The following RAB2A variants were observed in gnomAD, a reference collection of about 807,000 sequenced individuals.
The protein encoded by RAB2A is ras-related protein Rab-2A.
RAB2A carries 7 observed loss-of-function variants against 32.5 expected under a neutral mutation model. That is an observed-to-expected ratio of 0.22 (90% confidence interval 0.12 to 0.40). RAB2A has a LOEUF of 0.40. Ranked by LOEUF, RAB2A falls within the 10% of genes least tolerant of loss-of-function variation. The pLI is 1.00. For missense variants in RAB2A, 108 were observed against 260.7 expected (o/e 0.41, Z 4.03); for synonymous variants, 79 against 85.2 (o/e 0.93, Z 0.40).
chr8:60,603,142 C>T (rs1804164040), intron 6 of RAB2A, among the ~76,000 whole-genome samples: 4 of 152,272 alleles, frequency 2.6e-5, no homozygotes, highest in Middle Eastern at 6.8e-3. Flanking sequence ...CCAGCTGATC[C>T]TTGGCACCTA....
chr8:60,598,690 G>A (rs982649982), intron 6 of RAB2A, among the ~76,000 whole-genome samples: 3 of 151,786 alleles, frequency 2.0e-5, no homozygotes, highest in Non-Finnish European at 2.9e-5. Context: ...AGTTGATGCA[G>A]AAAAACCATT....
intron 1 of RAB2A, among the ~76,000 whole-genome samples, chr8:60,556,278 T>A (rs1807937111): frequency 6.6e-6 from 1 of 152,124 alleles, no homozygotes; most frequent in African/African-American, 2.4e-5. Context: ...CAGGAATAAG[T>A]TCTCCTGTTC....
At chr8:60,531,253 C>T (rs1647604813) in intron 1 of RAB2A, among the ~76,000 whole-genome samples, 1 of 152,150 alleles carries the variant, frequency 6.6e-6, no homozygotes, top group Non-Finnish European at 1.5e-5. Context: ...ATGTAGTCCT[C>T]GCTGGTTATT....
rs5891769 is a variant in RAB2A, at chr8:60,571,027, TG to T, written c.119-1018del. 4.0e-3 allele frequency among the ~76,000 whole-genome samples: 608 copies of T among 152,302 alleles called. 7 individuals are homozygous for T. Among genetic ancestry groups the T allele is most frequent in the African/African-American group, 0.014 (587 of 41,556 alleles). On this transcript the variant is annotated intron_variant, in intron 2 of 7. Coordinates refer to ENST00000262646, the MANE Select transcript of RAB2A (RefSeq NM_002865.3). ...GAACATACTCTAGGCAGTAATGACT[TG>T]ATATAAGAGATATACTACTTTCAGA...
At chr8:60,547,824 CG>C (rs1247902311) in intron 1 of RAB2A, among the ~76,000 whole-genome samples, 1 of 111,264 alleles carries the variant, frequency 9.0e-6, no homozygotes, top group Non-Finnish European at 1.8e-5. Context: ...GCTGGCCGGG[CG>C]GGGGGCTGAC....
chr8:60,546,588 G>A lies in RAB2A; in HGVS notation c.47-12264G>A, dbSNP rs571240132. Among the ~76,000 whole-genome samples, 4 of 152,236 alleles carry A rather than the reference G, an allele frequency of 2.6e-5. No individual in the cohort carries two copies. The South Asian group carries it at 8.3e-4, about 32-fold the overall frequency. On this transcript the variant is annotated intron_variant, in intron 1 of 7. Coordinates refer to ENST00000262646, the MANE Select transcript of RAB2A (RefSeq NM_002865.3). The stretch of plus-strand genomic sequence containing the variant: ...TTCAAGTGAAGAAGTGATCCATGTT[G>A]GATTTTTGTCTTTGTTTGTTTAATT...
chr8:60,554,114 AT>A (rs1282989928), intron 1 of RAB2A, among the ~76,000 whole-genome samples: 2 of 152,214 alleles, frequency 1.3e-5, no homozygotes, highest in East Asian at 3.8e-4. Flanking sequence ...GAATTTTTAT[AT>A]TTTAGTCAGT....
At chr8:60,556,835 A>G (rs1010846718) in intron 1 of RAB2A, among the ~76,000 whole-genome samples, 4 of 152,106 alleles carry the variant, frequency 2.6e-5, no homozygotes, top group Non-Finnish European at 5.9e-5. Flanking sequence ...ATGATTACCA[A>G]ACTCTTAGAT....
chr8:60,519,869 C>T (rs1259987814), intron 1 of RAB2A, among the ~76,000 whole-genome samples: 1 of 152,100 alleles, frequency 6.6e-6, no homozygotes, highest in African/African-American at 2.4e-5. Context: ...AGTTCTGCCA[C>T]CTTCTTGCTT....
chr8:60,620,929 T>A lies in RAB2A; in HGVS notation c.*160T>A. ...TGTATAACTTTGAATAAATGGTTAA[T>A]GTTCACTTAAAAGACAGATTTTGGA... On this transcript the variant is annotated 3_prime_UTR_variant, in exon 8 of 8. Transcript: ENST00000262646. The A allele has an allele frequency of 6.8e-6, 4 of 589,134 alleles. No individual in the cohort carries two copies. Among genetic ancestry groups the A allele is most frequent in the Non-Finnish European group, 1.2e-5 (4 of 347,648 alleles). 36.5% of individuals were successfully genotyped at this position (589,134 alleles called of 1,614,324 possible). A position where few individuals can be genotyped will look rare whatever the true frequency, so the allele number is the denominator to read the frequency against.
At chr8:60,544,198 T>G (rs10110436) in intron 1 of RAB2A, among the ~76,000 whole-genome samples, 35,748 of 151,274 alleles carry the variant, frequency 0.24, 4,284 homozygotes, top group Middle Eastern at 0.39. Context: ...TTCAAGCTAT[T>G]TCGGCTAATT....
intron 1 of RAB2A, among the ~76,000 whole-genome samples, chr8:60,547,644 A>G (rs374090358): frequency 0.016 from 935 of 59,590 alleles, 1 homozygote; most frequent in East Asian, 0.029. Context: ...GCGGCTGGCC[A>G]GGCGGGGGGC....
intron 1 of RAB2A, chr8:60,552,010 T>TTTTTTGTTTTTTTG (rs1563467442): frequency 2.1e-5 from 3 of 145,188 alleles, no homozygotes; most frequent in Non-Finnish European, 4.5e-5. Context: ...AGTTTTTTTT[T>TTTTTTGTTTTTTTG]TTTTTTTTTT....
chr8:60,547,680 G>T (rs79661073), intron 1 of RAB2A, among the ~76,000 whole-genome samples: 1 of 119,824 alleles, frequency 8.3e-6, no homozygotes, highest in Non-Finnish European at 1.8e-5. Context: ...CCTCCCGGAC[G>T]GGGCGGCTGG....
At chr8:60,569,823 T>C (rs1167863240) in intron 2 of RAB2A, 1 of 364,786 alleles carries the variant, frequency 2.7e-6, no homozygotes, top group African/African-American at 2.1e-5. Context: ...GCTGATCTGC[T>C]TAATTTGAAT....
intron 5 of RAB2A, among the ~76,000 whole-genome samples, chr8:60,586,480 G>A (rs1186665126): frequency 6.6e-6 from 1 of 151,472 alleles, no homozygotes; most frequent in Non-Finnish European, 1.5e-5. Context: ...ACAAACATTA[G>A]CAATATCAGG....
intron 5 of RAB2A, among the ~76,000 whole-genome samples, chr8:60,586,933 GAAAA>G (rs200377607): frequency 3.1e-3 from 196 of 63,918 alleles, no homozygotes; most frequent in Middle Eastern, 0.011. Flanking sequence ...CTGTCTCCAA[GAAAA>G]AAAAAAAAAA....
chr8:60,593,367 G>C (rs533431552), intron 6 of RAB2A, among the ~76,000 whole-genome samples: 1 of 152,210 alleles, frequency 6.6e-6, no homozygotes, highest in East Asian at 1.9e-4. Flanking sequence ...CCCGAGACTG[G>C]GTGCTAGAGA....
At chr8:60,578,311 A>G (rs538868480) in intron 3 of RAB2A, among the ~76,000 whole-genome samples, 2 of 152,236 alleles carry the variant, frequency 1.3e-5, no homozygotes, top group Admixed American at 1.3e-4. Context: ...AATCAATAGT[A>G]TTAAAACCAA....
Sources: allele counts gnomAD v4.1 joint callset (sites outside exome capture counted in the v4.1 genomes callset), GRCh38; gene constraint gnomAD v4.1.1; transcripts MANE v1.5; gene names NCBI Gene and HGNC (gene_info 2026-07-23, HGNC 2026-07-21).